Variants in GSTM3 observed in about 807,000 individuals in gnomAD.
GSTM3 encodes glutathione S-transferase mu 3.
A neutral mutation model predicts 36.1 loss-of-function variants in GSTM3; 34 were observed. The observed-to-expected ratio is 0.94, with a 90% CI of 0.72 to 1.25. The LOEUF is 1.25. Ranked by LOEUF, GSTM3 falls within the 50% of genes most tolerant of loss-of-function variation. GSTM3 has a pLI of 0.00. For missense variants in GSTM3, 266 were observed against 281.6 expected, an observed-to-expected ratio of 0.94 and a Z score of 0.40; for synonymous variants, 102 against 99.5, an observed-to-expected ratio of 1.03 and a Z score of -0.15.
chr1:109,737,152 A>G lies in GSTM3; in HGVS notation c.597T>C (p.Ala199=). The change falls in exon 9 of 9, where the codon GCT becomes GCC. Residue 199 remains alanine, a synonymous_variant. Transcript: ENST00000361066. ...AGAACTGATCAGACTGTAAGTAGGC[A>G]GCGATTTTCTCCAAAGCCTGAAAGG... ...MCRFEALEKI[A]AYLQSDQFCK... is the part of the protein sequence containing the mutation. 6.2e-7 allele frequency: 1 copy of G among 1,613,434 alleles called. No individual in the cohort carries two copies. The highest frequency in any genetic ancestry group is 8.5e-7 in the Non-Finnish European group (1 of 1,179,324).
chr1:109,739,878 A>T lies in GSTM3; in HGVS notation c.79T>A (p.Phe27Ile), dbSNP rs910132896. The change falls in exon 3 of 9, where the codon TTC becomes ATC. Residue 27 changes from phenylalanine to isoleucine, a missense_variant. Physicochemically the swap from Phe to Ile is conservative, Grantham distance 21. Coordinates refer to ENST00000361066, the MANE Select transcript of GSTM3 (RefSeq NM_000849.5). ...TTCTCCTCATAAGAGGTATCCGTGAACTCCAGGAGCAGGCGGATGGCGTGC... is the reference window on the plus strand; with the variant it reads ...TTCTCCTCATAAGAGGTATCCGTGATCTCCAGGAGCAGGCGGATGGCGTGC... The part of the protein sequence containing the change: ...LAHAIRLLLE[F>I]TDTSYEEKRY... The T allele has an allele frequency of 9.6e-6, 15 of 1,555,656 alleles. No individual in the cohort carries two copies. Among genetic ancestry groups the T allele is most frequent in the Non-Finnish European group, 1.3e-5 (15 of 1,148,888 alleles).
Position 109,740,455 on chromosome 1 carries a change from A to C in GSTM3, c.-168T>G. 1.6e-6 allele frequency: 1 copy of C among 625,422 alleles called. No homozygotes were observed. The highest frequency in any genetic ancestry group is 2.8e-6 in the Non-Finnish European group (1 of 360,990). 38.7% of individuals were successfully genotyped at this position (625,422 alleles called of 1,614,324 possible). A position where few individuals can be genotyped will look rare whatever the true frequency, so the allele number is the denominator to read the frequency against. ...ACAGGGCCGTGCGCAGGCGCGACTA[A>C]TGCCGGCGTTGGGGTTCAGGGCCTG... On this transcript the variant is annotated 5_prime_UTR_variant, in exon 2 of 9. Transcript: ENST00000361066.
chr1:109,738,527 C>T (rs1649275883), intron 4 of GSTM3, among the ~76,000 whole-genome samples, 161 bp from the exon 5 acceptor site: 1 of 152,164 alleles, frequency 6.6e-6, no homozygotes, highest in Admixed American at 6.6e-5. Context: ...ACTGGGTCCA[C>T]AAGATTCTAG....
Position 109,740,414 on chromosome 1 carries a change from T to G in GSTM3, c.-127A>C. 4 of 792,216 alleles carry G rather than the reference T, an allele frequency of 5.0e-6. No homozygotes were observed. Among genetic ancestry groups the G allele is most frequent in the Non-Finnish European group, 8.2e-6 (4 of 489,032 alleles). 49.1% of individuals were successfully genotyped at this position (792,216 alleles called of 1,614,324 possible). ...CCGCCTCCGCCCCGTTCTCCGTCCC[T>G]TGCCTCCGCGGCTCCACAGGGCCGT... On this transcript the variant is annotated 5_prime_UTR_variant, in exon 2 of 9. Coordinates refer to ENST00000361066, the MANE Select transcript of GSTM3 (RefSeq NM_000849.5).
rs10857799 is a variant in GSTM3 at position 109,735,635 on chromosome 1, T to A, written c.*1436A>T. ...TCTTAGTATATGTCTCTTTGAATGT[T>A]TTTTTTTTTTTTTTTTTTTTTTTTT... is the stretch of plus-strand genomic sequence containing the variant. On this transcript the variant is annotated 3_prime_UTR_variant, in exon 9 of 9. Coordinates refer to ENST00000361066, the MANE Select transcript of GSTM3 (RefSeq NM_000849.5). The A allele has an allele frequency of 1.3e-5, 1 of 77,714 alleles. No individual in the cohort carries two copies. The highest frequency in any genetic ancestry group is 8.7e-5 in the African/African-American group (1 of 11,446). 4.8% of individuals were successfully genotyped at this position (77,714 alleles called of 1,614,324 possible). A position where few individuals can be genotyped will look rare whatever the true frequency, so the allele number is the denominator to read the frequency against.
At chr1:109,740,049 C>G in intron 2 of GSTM3, 141 bp from the exon 3 acceptor site, 1 of 877,648 alleles carries the variant, frequency 1.1e-6, no homozygotes, top group Non-Finnish European at 1.8e-6. Context: ...CCGGCTCCGG[C>G]GTGGTCTCCT....
chr1:109,738,650 A>C (rs1649280505), intron 4 of GSTM3, among the ~76,000 whole-genome samples: 1 of 152,160 alleles, frequency 6.6e-6, no homozygotes, highest in African/African-American at 2.4e-5. Context: ...TTACACAATC[A>C]AAAAATATTT....
intron 4 of GSTM3, 70 bp from the exon 5 acceptor site, chr1:109,738,436 GA>G: frequency 3.0e-6 from 3 of 986,466 alleles, no homozygotes; most frequent in Non-Finnish European, 3.2e-6. Context: ...CTCTCCAGGG[GA>G]AAAGAACACT....
chr1:109,739,372 G>A (rs751435829), intron 4 of GSTM3, 57 bp downstream of exon 4: 6 of 1,187,222 alleles, frequency 5.1e-6, no homozygotes, highest in Non-Finnish European at 7.5e-6. Context: ...GAGAGGCAAG[G>A]ATGGATATAC....
intron 1 of GSTM3, 57 bp from the exon 2 acceptor site, chr1:109,740,568 C>T (rs894781605): frequency 8.0e-6 from 4 of 499,420 alleles, no homozygotes; most frequent in Non-Finnish European, 1.4e-5. Context: ...CGGGTGGGAG[C>T]CAGACTTCAT....
chr1:109,740,209 C>T (rs779668790), intron 2 of GSTM3, 31 bp downstream of exon 2: 1 of 1,601,384 alleles, frequency 6.2e-7, no homozygotes, highest in Non-Finnish European at 8.6e-7. Flanking sequence ...TCTCTTTGAC[C>T]GAGCGGCTCT....
At chr1:109,738,627 C>A (rs1649279697) in intron 4 of GSTM3, among the ~76,000 whole-genome samples, 1 of 152,036 alleles carries the variant, frequency 6.6e-6, no homozygotes, top group South Asian at 2.1e-4. Context: ...ATGCATGAAG[C>A]AAAATAGATA....
In GSTM3 at chr1:109,739,456, T is replaced by C; in HGVS notation, c.162A>G (p.Lys54=). 6.2e-7 allele frequency: 1 copy of C among 1,612,760 alleles called. No individual in the cohort carries two copies. Among genetic ancestry groups the C allele is most frequent in the Non-Finnish European group, 8.5e-7 (1 of 1,178,994 alleles). Residue 54 remains lysine (K), a synonymous_variant, in exon 4 of 9, where the codon AAA becomes AAG. Coordinates refer to ENST00000361066, the MANE Select transcript of GSTM3 (RefSeq NM_000849.5). The part of the protein sequence containing the change: ...DYDRSQWLDV[K]FKLDLDFPNL... Reference sequence around the variant, plus strand: ...TAGGAAAGTCCAGGTCTAGCTTGAATTTCACATCCAGCCATTGGCTTCGAT... The same window carrying C: ...TAGGAAAGTCCAGGTCTAGCTTGAACTTCACATCCAGCCATTGGCTTCGAT...
intron 2 of GSTM3, 102 bp downstream of exon 2, chr1:109,740,138 C>T: frequency 6.2e-6 from 7 of 1,130,674 alleles, no homozygotes; most frequent in Non-Finnish European, 9.1e-6. Flanking sequence ...CGAAAAGGCT[C>T]CCGCGTAGAG....
Position 109,738,156 on chromosome 1 carries a change from T to C in GSTM3, c.307A>G (p.Ile103Val). The C allele has an allele frequency of 1.2e-6, 2 of 1,613,932 alleles. No individual in the cohort carries two copies. Among genetic ancestry groups the C allele is most frequent in the Non-Finnish European group, 8.5e-7 (1 of 1,179,766 alleles). The change falls in exon 6 of 9, where the codon ATC becomes GTC. Residue 103 changes from isoleucine (I) to valine (V), a missense_variant. Transcript: ENST00000361066. The part of the protein sequence containing the change: ...ETEEEKIRVD[I>V]IENQVMDFRT... Reference sequence around the variant, plus strand: ...AAATCCATTACTTGGTTCTCTATGATGTCCACTCGAATCTTTTCTTCTTCA... The same window carrying C: ...AAATCCATTACTTGGTTCTCTATGACGTCCACTCGAATCTTTTCTTCTTCA...
intron 1 of GSTM3, 31 bp from the exon 2 acceptor site, chr1:109,740,542 G>A (rs1557980937): frequency 3.7e-6 from 2 of 535,016 alleles, no homozygotes; most frequent in Middle Eastern, 5.0e-4. Context: ...CGAGGTTGAG[G>A]CTCCTCCCTT....
intron 6 of GSTM3, 30 bp from the exon 7 acceptor site, chr1:109,737,781 G>T: frequency 7.7e-7 from 1 of 1,302,996 alleles, no homozygotes; most frequent in Non-Finnish European, 1.1e-6. Context: ...TGAGAATAGT[G>T]GTGATCATCT....
rs749700408 is a variant in GSTM3, at chr1:109,738,090, C to A, written c.372+1G>T. 6.3e-7 allele frequency: 1 copy of A among 1,599,688 alleles called. No individual in the cohort carries two copies. The highest frequency in any genetic ancestry group is 1.1e-5 in the South Asian group (1 of 90,712). On this transcript the variant is annotated splice_donor_variant, in intron 6 of 8. Coordinates refer to ENST00000361066, the MANE Select transcript of GSTM3 (RefSeq NM_000849.5). LOFTEE classifies it high-confidence loss of function. ...AGCAGATGTGTGCTAAGGAAACTCACGTGGTCAGAGCTGTAACAGAGCCTT... is the reference window on the plus strand; with the variant it reads ...AGCAGATGTGTGCTAAGGAAACTCAAGTGGTCAGAGCTGTAACAGAGCCTT...
chr1:109,737,944 C>T, intron 6 of GSTM3, 147 bp downstream of exon 6: 2 of 684,298 alleles, frequency 2.9e-6, no homozygotes, highest in Non-Finnish European at 5.1e-6. Flanking sequence ...CAAAACAAAC[C>T]AAAAAATATA....
Sources: allele counts gnomAD v4.1 joint callset (sites outside exome capture counted in the v4.1 genomes callset), GRCh38; gene constraint gnomAD v4.1.1; transcripts MANE v1.5; gene names NCBI Gene and HGNC (gene_info 2026-07-23, HGNC 2026-07-21).